COMMD10: variants seen among roughly 807,000 people sequenced by gnomAD.
COMMD10 encodes the protein COMM domain containing 10.
Under a neutral mutation model 28.9 loss-of-function variants are expected in COMMD10, and 33 were observed. That is an observed-to-expected ratio of 1.14 (90% CI 0.87 to 1.53). The LOEUF (loss-of-function observed/expected upper bound fraction) is 1.53. COMMD10 is among the 40% of genes most tolerant of loss of function. The probability of loss-of-function intolerance (pLI) is 0.00; values close to 1 mark genes in which losing one functional copy is unlikely to be tolerated. For missense variants in COMMD10, 310 were observed against 233.4 expected (o/e 1.33, Z -2.14); for synonymous variants, 110 against 81.7 (o/e 1.35, Z -1.87).
chr5:116,209,749 A>G (rs1026203099), intron 5 of COMMD10, among the ~76,000 whole-genome samples: 1 of 152,108 alleles, frequency 6.6e-6, no homozygotes. Flanking sequence ...TCTCTTAAAT[A>G]TATGTTTTTG....
intron 5 of COMMD10, among the ~76,000 whole-genome samples, chr5:116,228,750 G>A (rs1029815471): frequency 6.6e-6 from 1 of 151,896 alleles, no homozygotes; most frequent in Non-Finnish European, 1.5e-5. Flanking sequence ...GATCTTTTAG[G>A]ATCACTGTGA....
At position 116,276,976 on chromosome 5, in the gene COMMD10, A is replaced by C. The variant is rs971772184; in HGVS notation, c.511-14541A>C. On this transcript the variant is annotated intron_variant, in intron 5 of 6. Transcript: ENST00000274458. ...ATTGTGGTGATAGTTGCACAACTGTATGAACATTCTAAAAACCATTGAATT... is the reference window on the plus strand; with the variant it reads ...ATTGTGGTGATAGTTGCACAACTGTCTGAACATTCTAAAAACCATTGAATT... Among the ~76,000 whole-genome samples, 21 of 151,978 alleles carry C rather than the reference A, an allele frequency of 1.4e-4. 1 individual carries two copies. The highest frequency in any genetic ancestry group is 5.1e-4 in the African/African-American group (21 of 41,286).
intron 5 of COMMD10, among the ~76,000 whole-genome samples, chr5:116,163,405 T>G (rs1580507189): frequency 8.3e-6 from 1 of 120,858 alleles, no homozygotes; most frequent in Admixed American, 9.0e-5. Flanking sequence ...GCCAACATGG[T>G]GAAACCCCAC....
chr5:116,133,474 T>C (rs968177048), intron 4 of COMMD10, among the ~76,000 whole-genome samples: 4 of 152,226 alleles, frequency 2.6e-5, no homozygotes, highest in Non-Finnish European at 5.9e-5. Flanking sequence ...AGTATGATAG[T>C]CTGTTGCGTA....
intron 5 of COMMD10, among the ~76,000 whole-genome samples, chr5:116,212,997 A>G (rs116350535): frequency 5.3e-5 from 8 of 152,226 alleles, no homozygotes; most frequent in Admixed American, 3.3e-4. Flanking sequence ...AAATTACACA[A>G]TGATAGGAAG....
At chr5:116,105,310 A>T (rs1750801905) in intron 4 of COMMD10, among the ~76,000 whole-genome samples, 1 of 152,170 alleles carries the variant, frequency 6.6e-6, no homozygotes, top group African/African-American at 2.4e-5. Context: ...GATGAAGCCG[A>T]CTTGATCATG....
intron 5 of COMMD10, among the ~76,000 whole-genome samples, chr5:116,225,855 T>G (rs1349718648): frequency 1.3e-5 from 2 of 152,042 alleles, no homozygotes; most frequent in Non-Finnish European, 2.9e-5. Context: ...TTCATAGGCC[T>G]CCCTTGCTCA....
At chr5:116,226,413 T>TA (rs1465649402) in intron 5 of COMMD10, among the ~76,000 whole-genome samples, 1 of 108,098 alleles carries the variant, frequency 9.3e-6, no homozygotes, top group Non-Finnish European at 2.0e-5. Context: ...ACTTTGTACT[T>TA]CCCTTTTTTT....
intron 5 of COMMD10, among the ~76,000 whole-genome samples, chr5:116,161,051 A>C (rs1179519284): frequency 1.3e-5 from 2 of 152,128 alleles, no homozygotes; most frequent in Non-Finnish European, 2.9e-5. Flanking sequence ...TTTCTTGGGA[A>C]ATAAAATATT....
chr5:116,209,656 A>G (rs566198337), intron 5 of COMMD10, among the ~76,000 whole-genome samples: 61 of 152,296 alleles, frequency 4.0e-4, no homozygotes, highest in African/African-American at 7.7e-4. Context: ...ATAAAATTCA[A>G]TAGCGGTTAG....
chr5:116,128,530 C>A (rs1751737603), intron 4 of COMMD10, among the ~76,000 whole-genome samples: 1 of 106,148 alleles, frequency 9.4e-6, no homozygotes, highest in African/African-American at 2.6e-5. Flanking sequence ...ATATAATTAG[C>A]TAACTTAAGG....
intron 5 of COMMD10, among the ~76,000 whole-genome samples, chr5:116,198,384 G>T (rs1209859243): frequency 1.3e-5 from 2 of 152,098 alleles, no homozygotes; most frequent in Non-Finnish European, 2.9e-5. Context: ...TTTCAGAGCA[G>T]TGTTAGGTTC....
chr5:116,225,682 C>T (rs1749376983), intron 5 of COMMD10, among the ~76,000 whole-genome samples: 4 of 152,054 alleles, frequency 2.6e-5, no homozygotes, highest in Admixed American at 2.0e-4. Context: ...TGACAGTAGC[C>T]ATGCCAGCTT....
chr5:116,288,175 A>G (rs1243783948), intron 5 of COMMD10, among the ~76,000 whole-genome samples: 2 of 151,718 alleles, frequency 1.3e-5, no homozygotes, highest in Admixed American at 6.6e-5. Flanking sequence ...TTTCTTCTTC[A>G]CTTTTGAAGA....
rs1391384738 is a variant in COMMD10, at chr5:116,093,912, G to A, written c.399+1212G>A. ...CTGATTTATTACAAAGTTGCCAAGA[G>A]CATACAACTGGGGAAAGGGCACCCT... is the stretch of plus-strand genomic sequence containing the variant. On this transcript the variant is annotated intron_variant, in intron 4 of 6. Coordinates refer to ENST00000274458, the MANE Select transcript of COMMD10 (RefSeq NM_016144.4). 2.0e-5 allele frequency among the ~76,000 whole-genome samples: 3 copies of A among 152,204 alleles called. No homozygotes were observed. In the South Asian group the frequency reaches 6.2e-4, roughly 32 times the overall value.
chr5:116,199,140 A>G (rs933011909), intron 5 of COMMD10, among the ~76,000 whole-genome samples: 1 of 151,940 alleles, frequency 6.6e-6, no homozygotes, highest in African/African-American at 2.4e-5. Flanking sequence ...AGTGTTCTAG[A>G]TTTTGGCCAT....
At chr5:116,255,278 G>A (rs1750250056) in intron 5 of COMMD10, among the ~76,000 whole-genome samples, 1 of 151,638 alleles carries the variant, frequency 6.6e-6, no homozygotes, top group Non-Finnish European at 1.5e-5. Flanking sequence ...TCTTTTAGTT[G>A]GAGCATTTAG....
At chr5:116,149,859 A>T (rs1310599268) in intron 5 of COMMD10, among the ~76,000 whole-genome samples, 1 of 149,774 alleles carries the variant, frequency 6.7e-6, no homozygotes, top group Admixed American at 6.7e-5. Context: ...TCTTTAGTTT[A>T]ATTAGATCCC....
intron 5 of COMMD10, among the ~76,000 whole-genome samples, chr5:116,276,129 C>T (rs1405498409): frequency 3.3e-5 from 5 of 151,146 alleles, no homozygotes; most frequent in Non-Finnish European, 7.4e-5. Context: ...CGAGGTTTTG[C>T]AGAGGAGGTA....
Sources: gnomAD v4.1 joint callset for allele counts (sites outside exome capture counted in the v4.1 genomes callset) on GRCh38, gnomAD v4.1.1 for gene constraint, MANE v1.5 for transcripts, NCBI Gene and HGNC (gene_info 2026-07-23, HGNC 2026-07-21) for gene names.